Variants in NTRK3 observed in about 807,000 individuals in gnomAD.
The protein encoded by NTRK3 is NT-3 growth factor receptor.
Under a neutral mutation model 91.7 loss-of-function variants are expected in NTRK3, and 24 were observed. The ratio of observed to expected loss-of-function variants is 0.26; its 90% confidence interval spans 0.19 to 0.37. The LOEUF is 0.37. NTRK3 is among the 10% of genes least tolerant of loss of function. The pLI, the probability that NTRK3 is intolerant of heterozygous loss-of-function variation, is 1.00. For synonymous variants in NTRK3, 483 were observed against 404.0 expected, an observed-to-expected ratio of 1.20 and a Z score of -2.34; for missense variants, 880 against 1,068.9, an observed-to-expected ratio of 0.82 and a Z score of 2.46.
At chr15:88,244,122 G>C (rs950278827) in intron 3 of NTRK3, among the ~76,000 whole-genome samples, 1 of 152,122 alleles carries the variant, frequency 6.6e-6, no homozygotes, top group Non-Finnish European at 1.5e-5. Context: ...ACCATAGAGC[G>C]TTCAGTAGGG....
intron 17 of NTRK3, among the ~76,000 whole-genome samples, chr15:87,898,709 G>A (rs1438699523): frequency 2.6e-5 from 4 of 151,552 alleles, no homozygotes; most frequent in Admixed American, 2.0e-4. Context: ...TTCTAGGCTG[G>A]GTGCTGTGGC....
intron 14 of NTRK3, among the ~76,000 whole-genome samples, chr15:87,987,100 T>G (rs771360571): frequency 1.3e-4 from 20 of 152,272 alleles, no homozygotes; most frequent in Admixed American, 2.6e-4. Context: ...CAGACCCCGC[T>G]GAATCAACAT....
intron 17 of NTRK3, among the ~76,000 whole-genome samples, chr15:87,910,232 G>A (rs1216859178): frequency 2.6e-5 from 4 of 152,204 alleles, no homozygotes; most frequent in African/African-American, 9.7e-5. Flanking sequence ...AGCCCTGGGG[G>A]AAGAGCTCCA....
At chr15:88,000,005 C>G (rs1037690805) in intron 14 of NTRK3, among the ~76,000 whole-genome samples, 1 of 152,182 alleles carries the variant, frequency 6.6e-6, no homozygotes, top group South Asian at 2.1e-4. Flanking sequence ...TGATACTTAT[C>G]AGACTTCTTA....
chr15:88,239,969 G>A (rs1477882366), intron 3 of NTRK3, among the ~76,000 whole-genome samples: 4 of 151,932 alleles, frequency 2.6e-5, no homozygotes, highest in Non-Finnish European at 5.9e-5. Context: ...AACAGCCCTC[G>A]GTGATGCGCA....
chr15:87,904,744 C>T (rs1472332819), intron 17 of NTRK3, among the ~76,000 whole-genome samples: 1 of 152,178 alleles, frequency 6.6e-6, no homozygotes, highest in Non-Finnish European at 1.5e-5. Flanking sequence ...GAATGACTAT[C>T]CTTGTCAGTT....
intron 3 of NTRK3, chr15:88,252,927 C>T (rs2142037774): frequency 6.6e-6 from 1 of 152,390 alleles, no homozygotes; most frequent in African/African-American, 2.4e-5. Flanking sequence ...AGAGGCAGTT[C>T]CCAGCCAGCT....
chr15:88,219,354 A>C (rs1191739045), intron 3 of NTRK3, among the ~76,000 whole-genome samples: 2 of 152,258 alleles, frequency 1.3e-5, no homozygotes, highest in East Asian at 3.8e-4. Context: ...CCTGAAACCC[A>C]CAGACGGGGG....
exon 19 of NTRK3, chr15:87,863,974 T>TACAC (rs3217416): frequency 8.5e-5 from 18 of 211,472 alleles, no homozygotes; most frequent in African/African-American, 3.3e-4. Flanking sequence ...CCAGGCAAAA[T>TACAC]ACACACACAC....
At chr15:87,889,110 C>T (rs1473639437) in intron 17 of NTRK3, among the ~76,000 whole-genome samples, 5 of 152,132 alleles carry the variant, frequency 3.3e-5, no homozygotes, top group Non-Finnish European at 2.9e-5. Flanking sequence ...CAGGATTTTC[C>T]CCTATAAACA....
chr15:88,204,588 T>C (rs1021308520), intron 3 of NTRK3, among the ~76,000 whole-genome samples: 1 of 152,182 alleles, frequency 6.6e-6, no homozygotes, highest in Admixed American at 6.5e-5. Context: ...TTTGTGGGTG[T>C]ATCTTTTCTC....
chr15:88,115,520 T>G (rs2051949279), intron 13 of NTRK3, among the ~76,000 whole-genome samples: 1 of 152,216 alleles, frequency 6.6e-6, no homozygotes. Context: ...TGTCAAGGCC[T>G]GCTGGCAGAT....
chr15:88,233,384 G>C lies in NTRK3; in HGVS notation c.248+22522C>G, dbSNP rs1252540564. Among the ~76,000 whole-genome samples, 1 of 152,086 alleles carries C rather than the reference G, an allele frequency of 6.6e-6. No individual in the cohort carries two copies. Among genetic ancestry groups the C allele is most frequent in the South Asian group, 2.1e-4 (1 of 4,826 alleles). On this transcript the variant is annotated intron_variant, in intron 3 of 18. Coordinates refer to ENST00000394480, the Ensembl canonical transcript of NTRK3. The surrounding 1 kb of genome is among the most constrained non-coding windows in gnomAD (Gnocchi z 4.2). ...TATCTGTCCATATCCTTCCCTCCCT[G>C]TGAAGGCAAGGGAATGGGCTGCTGC...
intron 13 of NTRK3, among the ~76,000 whole-genome samples, chr15:88,103,729 C>T (rs1356135089): frequency 1.3e-5 from 2 of 152,094 alleles, no homozygotes; most frequent in Non-Finnish European, 1.5e-5. Flanking sequence ...AAGCCATCCC[C>T]ACATGAAAGC....
chr15:87,981,412 G>A (rs760013153), intron 14 of NTRK3: 7 of 1,612,708 alleles, frequency 4.3e-6, no homozygotes, highest in South Asian at 1.1e-5. Flanking sequence ...TAAACCCCAA[G>A]TGCAAAAAAC....
At chr15:88,089,732 C>A (rs1481783784) in intron 13 of NTRK3, among the ~76,000 whole-genome samples, 1 of 152,160 alleles carries the variant, frequency 6.6e-6, no homozygotes, top group Non-Finnish European at 1.5e-5. Flanking sequence ...GCTACTGGAC[C>A]CAGCAGTCCT....
chr15:87,956,417 G>A (rs2141159930), intron 14 of NTRK3, among the ~76,000 whole-genome samples: 1 of 152,282 alleles, frequency 6.6e-6, no homozygotes, highest in South Asian at 2.1e-4. Flanking sequence ...GAGATTACAG[G>A]CACGTGCCAC....
At chr15:87,953,538 T>C (rs767207171) in intron 14 of NTRK3, among the ~76,000 whole-genome samples, 1 of 152,102 alleles carries the variant, frequency 6.6e-6, no homozygotes, top group Non-Finnish European at 1.5e-5. Flanking sequence ...CAGTGGAAAA[T>C]AGAGAAGGGA....
At chr15:88,066,646 C>T (rs2046674797) in intron 13 of NTRK3, among the ~76,000 whole-genome samples, 1 of 152,172 alleles carries the variant, frequency 6.6e-6, no homozygotes, top group Non-Finnish European at 1.5e-5. Flanking sequence ...GTGCCTCTCC[C>T]AAGCTTATCC....
Sources: allele counts gnomAD v4.1 joint callset (sites outside exome capture counted in the v4.1 genomes callset), GRCh38; gene constraint gnomAD v4.1.1; non-coding constraint Gnocchi (gnomAD v3.1); transcripts MANE v1.5; gene names NCBI Gene and HGNC (gene_info 2026-07-23, HGNC 2026-07-21).